Variants in PUDP observed in about 807,000 individuals in gnomAD.
The protein encoded by PUDP is pseudouridine-5'-phosphatase.
Under a neutral mutation model 9.4 loss-of-function variants are expected in PUDP, and 8 were observed. The ratio of observed to expected loss-of-function variants is 0.85; its 90% confidence interval spans 0.50 to 1.53. The LOEUF (loss-of-function observed/expected upper bound fraction) is 1.53. Among genes scored for constraint, PUDP ranks in the 40% most tolerant of loss-of-function variants. The probability of loss-of-function intolerance (pLI) is 0.00; values close to 1 mark genes in which losing one functional copy is unlikely to be tolerated. For missense variants in PUDP, 188 were observed against 189.7 expected, an observed-to-expected ratio of 0.99 and a Z score of 0.05; for synonymous variants, 99 against 80.7, an observed-to-expected ratio of 1.23 and a Z score of -1.22.
intron 3 of PUDP, among the ~76,000 whole-genome samples, chrX:6,750,444 A>G (rs1445381965): frequency 9.0e-6 from 1 of 110,779 alleles, no homozygotes; most frequent in Non-Finnish European, 1.9e-5. Flanking sequence ...AAACGAAGAG[A>G]GTAAACCCCT....
intron 2 of PUDP, among the ~76,000 whole-genome samples, chrX:7,098,830 G>A: frequency 1.1e-5 from 1 of 88,843 alleles, no homozygotes; most frequent in Non-Finnish European, 2.2e-5. Flanking sequence ...TGGTGCAGGC[G>A]GTAAGGGCCA....
At chrX:6,905,485 T>C (rs912558023) in intron 3 of PUDP, among the ~76,000 whole-genome samples, 9 of 112,010 alleles carry the variant, frequency 8.0e-5, no homozygotes, top group African/African-American at 2.9e-4. Context: ...AAGGCAAGTC[T>C]TCACAAGGTG....
chrX:6,811,247 C>T (rs1341065688), intron 3 of PUDP, among the ~76,000 whole-genome samples: 1 of 111,174 alleles, frequency 9.0e-6, no homozygotes, highest in Non-Finnish European at 1.9e-5. Flanking sequence ...ATCTTGTGAA[C>T]AGAGATGGAG....
At chrX:6,992,269 CTTTT>C (rs750888246) in intron 1 of PUDP, among the ~76,000 whole-genome samples, 154 of 62,580 alleles carry the variant, frequency 2.5e-3, no homozygotes, top group Non-Finnish European at 4.2e-3. Flanking sequence ...TTCAGGGTGT[CTTTT>C]TTTTTTTTTT....
At chrX:6,887,355 G>A (rs114443125) in intron 3 of PUDP, among the ~76,000 whole-genome samples, 4,066 of 109,245 alleles carry the variant, frequency 0.037, 77 homozygotes, top group Non-Finnish European at 0.058. Context: ...AAACCTCCTT[G>A]AATTTTTATT....
chrX:6,815,668 C>T (rs774953458), intron 3 of PUDP, among the ~76,000 whole-genome samples: 1 of 110,896 alleles, frequency 9.0e-6, no homozygotes, highest in South Asian at 3.8e-4. Context: ...ATAGCCCAGC[C>T]TCCATAAAAC....
chrX:6,962,648 T>C (rs993518679), intron 3 of PUDP, among the ~76,000 whole-genome samples: 1 of 112,635 alleles, frequency 8.9e-6, no homozygotes, highest in Non-Finnish European at 1.9e-5. Context: ...AGAAACATTT[T>C]GATTTTACTT....
At chrX:7,033,878 A>G (rs1929821663) in intron 1 of PUDP, among the ~76,000 whole-genome samples, 1 of 112,097 alleles carries the variant, frequency 8.9e-6, no homozygotes, top group Non-Finnish European at 1.9e-5. Context: ...GATAGAAGAC[A>G]GCAAAGAGAG....
intron 1 of PUDP, among the ~76,000 whole-genome samples, chrX:7,007,647 A>G (rs950343237): frequency 8.9e-6 from 1 of 112,482 alleles, no homozygotes; most frequent in Non-Finnish European, 1.9e-5. Context: ...CAGCCATATG[A>G]GCACTGCAAG....
intron 1 of PUDP, among the ~76,000 whole-genome samples, chrX:7,136,105 C>G (rs1366359500): frequency 9.0e-6 from 1 of 111,539 alleles, no homozygotes; most frequent in Non-Finnish European, 1.9e-5. Flanking sequence ...CCATGATAGT[C>G]AACATTTTCA....
chrX:7,027,370 G>A (rs764336366), intron 1 of PUDP, among the ~76,000 whole-genome samples: 2 of 110,433 alleles, frequency 1.8e-5, no homozygotes, highest in Non-Finnish European at 3.8e-5. Context: ...TACCATGTAC[G>A]CAGGTGTCTT....
intron 3 of PUDP, among the ~76,000 whole-genome samples, chrX:6,972,928 A>G (rs6638646): frequency 0.36 from 39,992 of 110,533 alleles, 5,350 homozygotes; most frequent in Non-Finnish European, 0.41. Context: ...TTCCTGGTTT[A>G]GTCTTGGGAG....
intron 3 of PUDP, among the ~76,000 whole-genome samples, chrX:6,930,847 C>T (rs1928179512): frequency 9.1e-6 from 1 of 109,691 alleles, no homozygotes; most frequent in Non-Finnish European, 1.9e-5. Flanking sequence ...ACCTTGCTTT[C>T]TTGTTTGTTT....
At chrX:6,956,201 C>T (rs1239435701) in intron 3 of PUDP, among the ~76,000 whole-genome samples, 1 of 111,773 alleles carries the variant, frequency 8.9e-6, no homozygotes, top group East Asian at 2.8e-4. Context: ...AGGCGCATGC[C>T]ACCACGCCCA....
intron 1 of PUDP, among the ~76,000 whole-genome samples, chrX:7,147,615 C>T (rs1385542555): frequency 8.9e-6 from 1 of 112,459 alleles, no homozygotes; most frequent in Admixed American, 9.3e-5. Flanking sequence ...AAGTATCCTC[C>T]AGGCTACTTT....
Position 7,105,802 on chromosome X carries a change from A to C in PUDP, c.98T>G (p.Ile33Arg), listed in dbSNP as rs1931864051. 1 of 1,205,582 alleles carries C rather than the reference A, an allele frequency of 8.3e-7. No homozygotes were observed. The highest frequency in any genetic ancestry group is 2.2e-5 in the Admixed American group (1 of 45,540). Residue 33 changes from isoleucine (I) to arginine (R), a missense_variant, in exon 2 of 4, where the codon ATA (isoleucine) becomes AGA (arginine). Physicochemically the swap from Ile to Arg is moderately conservative, Grantham distance 97. Transcript: ENST00000381077. The stretch of plus-strand genomic sequence containing the variant: ...GTATTTCTTGTCATAGCGATTACAT[A>C]TTTCTTGAAACACCACTGAATACAG... ...ERLYSVVFQEICNRYDKKYSW... is the reference protein window; with the variant it reads ...ERLYSVVFQERCNRYDKKYSW...
chrX:7,057,761 G>T, intron 3 of PUDP: 2 of 1,155,165 alleles, frequency 1.7e-6, no homozygotes, highest in Non-Finnish European at 2.3e-6. Context: ...GGAGCGCTGA[G>T]AAGGGATCCC....
chrX:6,715,956 T>C (rs983507099), intron 1 of PUDP, among the ~76,000 whole-genome samples: 1 of 111,111 alleles, frequency 9.0e-6, no homozygotes, highest in African/African-American at 3.3e-5. Context: ...ACCAGGGAAA[T>C]ATCTTCCAAC....
At chrX:7,060,038 C>G (rs989034104) in intron 3 of PUDP, among the ~76,000 whole-genome samples, 1 of 112,022 alleles carries the variant, frequency 8.9e-6, no homozygotes, top group African/African-American at 3.2e-5. Context: ...GTGGTGAGCA[C>G]GTGGCAGCTG....
Sources: allele counts gnomAD v4.1 joint callset (sites outside exome capture counted in the v4.1 genomes callset), GRCh38; gene constraint gnomAD v4.1.1; transcripts MANE v1.5; gene names NCBI Gene and HGNC (gene_info 2026-07-23, HGNC 2026-07-21).